The following RPF2 variants were observed in gnomAD, a reference collection of about 807,000 sequenced individuals.
RPF2 encodes ribosome production factor 2 homolog.
In RPF2, 21 loss-of-function variants were observed where a neutral mutation model predicts 38.9. The ratio of observed to expected loss-of-function variants is 0.54; its 90% CI spans 0.38 to 0.78. The LOEUF (loss-of-function observed/expected upper bound fraction) is 0.78. Among genes scored for constraint, RPF2 ranks in the 30% least tolerant of loss-of-function variants. The pLI is 0.00. For missense variants in RPF2, 314 were observed against 358.1 expected, an observed-to-expected ratio of 0.88 and a Z score of 0.99; for synonymous variants, 121 against 126.2, an observed-to-expected ratio of 0.96 and a Z score of 0.28.
intron 8 of RPF2, among the ~76,000 whole-genome samples, chr6:111,019,941 G>T (rs1463110604): frequency 1.3e-5 from 2 of 149,348 alleles, no homozygotes; most frequent in Non-Finnish European, 3.0e-5. Flanking sequence ...TTGAGACGGA[G>T]TCTCGCTATG....
chr6:110,996,788 G>T (rs78107354), intron 4 of RPF2, among the ~76,000 whole-genome samples: 13,768 of 149,096 alleles, frequency 0.092, 685 homozygotes, highest in African/African-American at 0.13. Context: ...AAAACTGTTA[G>T]AGTTTTTTGT....
Position 111,028,082 on chromosome 6 carries a change from A to AT in RPF2, c.*2506dup, listed in dbSNP as rs1438579378. On this transcript the variant is annotated 3_prime_UTR_variant, in exon 10 of 10. Coordinates refer to ENST00000441448, the MANE Select transcript of RPF2 (RefSeq NM_032194.3). Reference sequence around the variant, plus strand: ...TTGTTTTAAATACCAAATTTCTTATATTTTTTCTGGAATATTAATACTATT... The same window carrying AT: ...TTGTTTTAAATACCAAATTTCTTATATTTTTTTCTGGAATATTAATACTATT... 2 of 150,936 alleles carry AT rather than the reference A, an allele frequency of 1.3e-5. No homozygotes were observed. Among genetic ancestry groups the AT allele is most frequent in the Non-Finnish European group, 2.9e-5 (2 of 67,804 alleles). 9.3% of individuals were successfully genotyped at this position (150,936 alleles called of 1,614,324 possible).
At chr6:111,014,616 T>C (rs1029487100) in intron 7 of RPF2, among the ~76,000 whole-genome samples, 2 of 152,210 alleles carry the variant, frequency 1.3e-5, no homozygotes, top group African/African-American at 2.4e-5. Flanking sequence ...CTTGGGCAGC[T>C]CTTCCTAAGC....
intron 6 of RPF2, among the ~76,000 whole-genome samples, chr6:111,007,743 G>A (rs1312800519): frequency 2.0e-5 from 3 of 152,002 alleles, no homozygotes; most frequent in Non-Finnish European, 1.5e-5. Context: ...TCAGGAGTTT[G>A]AGACCAGCCT....
At chr6:111,011,640 A>G (rs1240932071) in intron 7 of RPF2, among the ~76,000 whole-genome samples, 20 of 152,048 alleles carry the variant, frequency 1.3e-4, no homozygotes, top group Admixed American at 1.2e-3. Flanking sequence ...TAAGATTTCC[A>G]TTACTTGTAC....
chr6:111,001,793 C>A (rs1162710373), intron 6 of RPF2, among the ~76,000 whole-genome samples: 1 of 152,176 alleles, frequency 6.6e-6, no homozygotes, highest in Non-Finnish European at 1.5e-5. Flanking sequence ...ACCTTCCAGT[C>A]CCTCTACTCT....
chr6:111,011,153 T>C (rs557908688), intron 7 of RPF2, among the ~76,000 whole-genome samples: 1 of 152,326 alleles, frequency 6.6e-6, no homozygotes, highest in African/African-American at 2.4e-5. Context: ...CATATTCCCA[T>C]GATCCCTTCT....
Position 111,014,014 on chromosome 6 carries a change from T to A in RPF2, c.494-1740T>A, listed in dbSNP as rs118163374. Among the ~76,000 whole-genome samples, 282 of 151,872 alleles carry A rather than the reference T, an allele frequency of 1.9e-3. 3 individuals are homozygous for A. The East Asian group carries it at 0.047, about 25-fold the overall frequency. ...ATATATGTAGTATATGTACTTTTTT[T>A]AAATTAAAAATGTTCATTAGTTTTT... On this transcript the variant is annotated intron_variant, in intron 7 of 9. Coordinates refer to ENST00000441448, the MANE Select transcript of RPF2 (RefSeq NM_032194.3).
chr6:111,016,947 C>G lies in RPF2; in HGVS notation c.596+1091C>G, dbSNP rs192578579. Among the ~76,000 whole-genome samples, 3 of 152,176 alleles carry G rather than the reference C, an allele frequency of 2.0e-5. No individual in the cohort carries two copies. The East Asian group carries it at 5.8e-4, about 29-fold the overall frequency. On this transcript the variant is annotated intron_variant, in intron 8 of 9. Coordinates refer to ENST00000441448, the MANE Select transcript of RPF2 (RefSeq NM_032194.3). ...AAGCACATCTTGCACCGCCCTTAAT[C>G]CATTTAACCCTGAGTGGACACAGCA...
intron 6 of RPF2, among the ~76,000 whole-genome samples, chr6:111,001,898 C>A (rs568567156): frequency 3.9e-5 from 6 of 152,204 alleles, no homozygotes; most frequent in African/African-American, 1.4e-4. Context: ...AAGCCCATCA[C>A]TTTGGGAGGC....
intron 2 of RPF2, among the ~76,000 whole-genome samples, chr6:110,988,080 G>A (rs755629623): frequency 2.0e-5 from 3 of 152,138 alleles, no homozygotes; most frequent in Non-Finnish European, 4.4e-5. Context: ...TGGGCGTGGT[G>A]CATGTGTCTG....
chr6:111,022,008 G>A (rs565683737), intron 8 of RPF2, among the ~76,000 whole-genome samples: 86 of 152,282 alleles, frequency 5.6e-4, no homozygotes, highest in Admixed American at 2.7e-3. Context: ...ACATCCTATA[G>A]TAATTATTCC....
chr6:110,984,902 C>A, intron 1 of RPF2, 104 bp from the exon 2 acceptor site: 1 of 1,245,344 alleles, frequency 8.0e-7, no homozygotes, highest in Non-Finnish European at 1.1e-6. Flanking sequence ...GGGTGGAACC[C>A]TAAGTGACAA....
chr6:111,018,426 T>C (rs1400485873), intron 8 of RPF2, among the ~76,000 whole-genome samples: 1 of 152,248 alleles, frequency 6.6e-6, no homozygotes, highest in African/African-American at 2.4e-5. Flanking sequence ...GCCTGAGAGC[T>C]GACAGCTTGG....
intron 7 of RPF2, among the ~76,000 whole-genome samples, chr6:111,015,408 A>G (rs1772090152): frequency 6.6e-6 from 1 of 152,202 alleles, no homozygotes; most frequent in African/African-American, 2.4e-5. Context: ...ATTTTTATAG[A>G]AATTTGCTAT....
At chr6:111,017,342 C>G (rs1348853127) in intron 8 of RPF2, among the ~76,000 whole-genome samples, 4 of 150,494 alleles carry the variant, frequency 2.7e-5, no homozygotes, top group Non-Finnish European at 5.9e-5. Context: ...GGGCGGCTGG[C>G]CGGGCGGGGG....
intron 6 of RPF2, among the ~76,000 whole-genome samples, chr6:111,002,846 A>G (rs1583266430): frequency 6.6e-6 from 1 of 150,842 alleles, no homozygotes; most frequent in Non-Finnish European, 1.5e-5. Flanking sequence ...TCGGCTCACT[A>G]CAACCTCTGC....
rs201374271 is a variant in RPF2 at position 111,025,571 on chromosome 6, A to T, written c.910A>T (p.Lys304Ter). 1.2e-4 allele frequency: 199 copies of T among 1,601,824 alleles called. 1 individual carries two copies. The East Asian group carries it at 1.6e-3, about 13-fold the overall frequency. Residue 304 changes from lysine (K) to a stop codon, truncating the protein, a stop_gained, in exon 10 of 10, where the codon AAA (lysine) becomes TAA (stop). Coordinates refer to ENST00000441448, the MANE Select transcript of RPF2 (RefSeq NM_032194.3). LOFTEE classifies it high-confidence loss of function. ...EDHEKKSKRI[K>*]KN ...CCACGAGAAAAAGTCAAAAAGAATT[A>T]AAAAAAATTGATGGAACTTAGCCAG...
chr6:111,017,668 A>G (rs1364931340), intron 8 of RPF2, among the ~76,000 whole-genome samples: 1 of 148,736 alleles, frequency 6.7e-6, no homozygotes, highest in African/African-American at 2.5e-5. Context: ...GGCCGGGCAG[A>G]GACACTCCTC....
Sources: allele counts gnomAD v4.1 joint callset (sites outside exome capture counted in the v4.1 genomes callset), GRCh38; gene constraint gnomAD v4.1.1; transcripts MANE v1.5; gene names NCBI Gene and HGNC (gene_info 2026-07-23, HGNC 2026-07-21).